FASTKD1: variants seen among roughly 807,000 people sequenced by gnomAD.
The protein encoded by FASTKD1 is FAST kinase domains 1, also known as FAST kinase domain-containing protein 1, mitochondrial.
A neutral mutation model predicts 90.9 loss-of-function variants in FASTKD1; 94 were observed. The observed-to-expected ratio is 1.03, with a 90% CI of 0.88 to 1.23. The LOEUF is 1.23. Among genes scored for constraint, FASTKD1 ranks in the 50% most tolerant of loss-of-function variants. The probability of loss-of-function intolerance (pLI) is 0.00; values close to 1 mark genes in which losing one functional copy is unlikely to be tolerated. For synonymous variants in FASTKD1, 319 were observed against 345.8 expected (o/e 0.92, Z 0.86); for missense variants, 945 against 993.5 (o/e 0.95, Z 0.66).
Position 169,546,224 on chromosome 2 carries a change from A to G in FASTKD1, c.1695T>C (p.Ile565=). ...DRIASVAVQQ[I]EKIHPFTIPA... is the part of the protein sequence containing the mutation. Reference sequence around the variant, plus strand: ...TCTACCATTTAAATTTCACCTTTTCAATCTGCTGAACAGCCACTGAGGCTA... The same window carrying G: ...TCTACCATTTAAATTTCACCTTTTCGATCTGCTGAACAGCCACTGAGGCTA... Residue 565 remains isoleucine (I), a synonymous_variant, in exon 8 of 15, where the codon ATT becomes ATC. Coordinates refer to ENST00000453153, the MANE Select transcript of FASTKD1 (RefSeq NM_024622.6). The G allele has an allele frequency of 6.5e-7, 1 of 1,544,138 alleles. No individual in the cohort carries two copies. Among genetic ancestry groups the G allele is most frequent in the Non-Finnish European group, 8.7e-7 (1 of 1,146,930 alleles).
intron 7 of FASTKD1, among the ~76,000 whole-genome samples, chr2:169,549,943 TATC>T (rs1685415445): frequency 6.6e-6 from 1 of 152,244 alleles, no homozygotes; most frequent in African/African-American, 2.4e-5. Context: ...ATTTTAATTT[TATC>T]ATTTGACATG....
chr2:169,563,800 A>G lies in FASTKD1; in HGVS notation c.447-450T>C, dbSNP rs78315628. ...GAAAATTCACAGCAACACATATGTA[A>G]TAGCAAAACCCTGCAAAAAACCCGA... On this transcript the variant is annotated intron_variant, in intron 3 of 14. Coordinates refer to ENST00000453153, the MANE Select transcript of FASTKD1 (RefSeq NM_024622.6). Among the ~76,000 whole-genome samples the G allele has an allele frequency of 8.4e-3, 1,275 of 152,290 alleles. 12 individuals carry two copies. The highest frequency in any genetic ancestry group is 0.029 in the African/African-American group (1,189 of 41,576).
chr2:169,549,045 C>G (rs1381804626), intron 7 of FASTKD1, among the ~76,000 whole-genome samples: 1 of 151,752 alleles, frequency 6.6e-6, no homozygotes, highest in Non-Finnish European at 1.5e-5. Context: ...TGCAGTGAGC[C>G]GAGATGGCAC....
Position 169,571,867 on chromosome 2 carries a change from A to C in FASTKD1, c.163T>G (p.Phe55Val), listed in dbSNP as rs757883593. 5.6e-5 allele frequency: 91 copies of C among 1,613,960 alleles called. No individual in the cohort carries two copies. The highest frequency in any genetic ancestry group is 7.4e-5 in the Non-Finnish European group (87 of 1,180,002). The change falls in exon 2 of 15, where the codon TTT becomes GTT. Residue 55 changes from phenylalanine to valine, a missense_variant. Physicochemically the swap from Phe to Val is conservative, Grantham distance 50 (BLOSUM62 -1). Transcript: ENST00000453153. ...KCTDEEQMFGFIERNKAILSE... is the reference protein window; with the variant it reads ...KCTDEEQMFGVIERNKAILSE... ...AGTATGGCTTTGTTTCTTTCAATAA[A>C]ACCAAACATTTGCTCCTCATCTGTA...
At chr2:169,540,913 C>A (rs1684932156) in intron 9 of FASTKD1, among the ~76,000 whole-genome samples, 1 of 152,174 alleles carries the variant, frequency 6.6e-6, no homozygotes, top group African/African-American at 2.4e-5. Flanking sequence ...ATGGCAGATG[C>A]CCCACAGTAT....
At chr2:169,552,996 CAGG>C (rs1229831196) in intron 7 of FASTKD1, among the ~76,000 whole-genome samples, 2 of 151,986 alleles carry the variant, frequency 1.3e-5, no homozygotes, top group African/African-American at 2.4e-5. Context: ...CACTTGAGGT[CAGG>C]AGATCAAGAT....
chr2:169,543,463 CA>C (rs372704087), intron 9 of FASTKD1, among the ~76,000 whole-genome samples: 1 of 147,494 alleles, frequency 6.8e-6, no homozygotes. Context: ...AACTCTGTCT[CA>C]AAAAAAAAAG....
At chr2:169,531,133 T>C in intron 13 of FASTKD1, 1 of 753,472 alleles carries the variant, frequency 1.3e-6, no homozygotes, top group Non-Finnish European at 2.4e-6. Flanking sequence ...TGGAGGACAA[T>C]TCTTTTAGCA....
intron 12 of FASTKD1, among the ~76,000 whole-genome samples, chr2:169,533,462 A>AT (rs1039741194): frequency 6.6e-6 from 1 of 152,220 alleles, no homozygotes; most frequent in African/African-American, 2.4e-5. Context: ...TGCCAGGTAT[A>AT]TAACCTTGGG....
chr2:169,533,136 A>C (rs368430026), intron 12 of FASTKD1, among the ~76,000 whole-genome samples: 1 of 152,328 alleles, frequency 6.6e-6, no homozygotes, highest in East Asian at 1.9e-4. Flanking sequence ...AATTTTATCT[A>C]AAATTTCCCA....
chr2:169,543,292 C>T (rs1041659174), intron 9 of FASTKD1, among the ~76,000 whole-genome samples: 2 of 151,928 alleles, frequency 1.3e-5, no homozygotes, highest in Non-Finnish European at 2.9e-5. Context: ...GGAGAAACCC[C>T]GTCTCTACTA....
Position 169,560,541 on chromosome 2 carries a change from T to G in FASTKD1, c.817A>C (p.Ser273Arg), listed in dbSNP as rs762924758. ...TTAAATTGTAGAAATTTGTATACAC[T>G]AAGTATTTTACTGATGGAATCCAAA... Reference protein sequence around the residue: ...LDLDSISKILSVYKFLQFNSF... With the variant: ...LDLDSISKILRVYKFLQFNSF... Residue 273 changes from serine to arginine, a missense_variant, in exon 5 of 15, where the codon AGT becomes CGT. By Grantham distance (110) the Ser-to-Arg change is moderately radical. Transcript: ENST00000453153. 14 of 1,604,248 alleles carry G rather than the reference T, an allele frequency of 8.7e-6. No individual in the cohort carries two copies. The highest frequency in any genetic ancestry group is 1.0e-5 in the Non-Finnish European group (12 of 1,175,864).
intron 3 of FASTKD1, among the ~76,000 whole-genome samples, chr2:169,568,723 G>C (rs1231874657): frequency 6.6e-6 from 1 of 151,352 alleles, no homozygotes; most frequent in East Asian, 1.9e-4. Flanking sequence ...AGACATGGCT[G>C]GGAGCGGTGG....
intron 7 of FASTKD1, among the ~76,000 whole-genome samples, chr2:169,549,592 C>G (rs1685399216): frequency 6.6e-6 from 1 of 151,620 alleles, no homozygotes; most frequent in Non-Finnish European, 1.5e-5. Context: ...AGCCTCTCTA[C>G]ACACTGGGGA....
At position 169,560,543 on chromosome 2, in the gene FASTKD1, A is replaced by T. The variant is rs370460564; in HGVS notation, c.815T>A (p.Leu272His). 91 of 1,603,794 alleles carry T rather than the reference A, an allele frequency of 5.7e-5. No individual in the cohort carries two copies. Among genetic ancestry groups the T allele is most frequent in the Non-Finnish European group, 7.5e-5 (88 of 1,175,836 alleles). Residue 272 changes from leucine (L) to histidine (H), a missense_variant, in exon 5 of 15, where the codon CTT becomes CAT. Transcript: ENST00000453153. ...HLDLDSISKI[L>H]SVYKFLQFNS... ...AAATTGTAGAAATTTGTATACACTA[A>T]GTATTTTACTGATGGAATCCAAATC...
chr2:169,532,922 C>T (rs574453737), intron 12 of FASTKD1, among the ~76,000 whole-genome samples: 7 of 152,056 alleles, frequency 4.6e-5, no homozygotes, highest in Admixed American at 1.3e-4. Flanking sequence ...TCTAACATTT[C>T]GATAAAATGT....
At chr2:169,555,808 C>A (rs1331172633) in intron 6 of FASTKD1, among the ~76,000 whole-genome samples, 2 of 152,110 alleles carry the variant, frequency 1.3e-5, no homozygotes, top group Non-Finnish European at 2.9e-5. Flanking sequence ...CTTCTGAAAT[C>A]TCAAGTTACC....
At chr2:169,545,837 C>A (rs1449559330) in intron 8 of FASTKD1, among the ~76,000 whole-genome samples, 1 of 152,150 alleles carries the variant, frequency 6.6e-6, no homozygotes, top group African/African-American at 2.4e-5. Context: ...TGTAATGAAC[C>A]AAAGAATGAT....
intron 1 of FASTKD1, chr2:169,573,223 C>G (rs1684307645): frequency 6.6e-6 from 1 of 152,154 alleles, no homozygotes; most frequent in Non-Finnish European, 1.5e-5. Context: ...CGCGACAGTA[C>G]AGGCTATTTT....
Sources: allele counts gnomAD v4.1 joint callset (sites outside exome capture counted in the v4.1 genomes callset), GRCh38; gene constraint gnomAD v4.1.1; transcripts MANE v1.5; gene names NCBI Gene and HGNC (gene_info 2026-07-23, HGNC 2026-07-21).